Variants in TRABD2B observed in about 807,000 individuals in gnomAD.
The protein encoded by TRABD2B is metalloprotease TIKI2.
Under a neutral mutation model 40.1 loss-of-function variants are expected in TRABD2B, and 14 were observed. The observed-to-expected ratio is 0.35, with a 90% CI of 0.23 to 0.55. The LOEUF (loss-of-function observed/expected upper bound fraction) is 0.55. Among genes scored for constraint, TRABD2B ranks in the 20% least tolerant of loss-of-function variants. The probability of loss-of-function intolerance (pLI) is 0.90; values close to 1 mark genes in which losing one functional copy is unlikely to be tolerated. For missense variants in TRABD2B, 541 were observed against 648.6 expected, an observed-to-expected ratio of 0.83 and a Z score of 1.80; for synonymous variants, 263 against 277.0, an observed-to-expected ratio of 0.95 and a Z score of 0.50.
intron 2 of TRABD2B, among the ~76,000 whole-genome samples, chr1:47,943,252 C>A (rs12125780): frequency 2.0e-5 from 3 of 152,016 alleles, no homozygotes; most frequent in Non-Finnish European, 4.4e-5. Flanking sequence ...ATTTTTGGCA[C>A]GAAATTTCAC....
At chr1:47,917,787 CTT>C (rs1237603492) in intron 2 of TRABD2B, among the ~76,000 whole-genome samples, 1 of 152,134 alleles carries the variant, frequency 6.6e-6, no homozygotes, top group Non-Finnish European at 1.5e-5. Context: ...TCACCTCCCT[CTT>C]GTCTTTTCCT....
intron 2 of TRABD2B, among the ~76,000 whole-genome samples, chr1:47,910,480 C>T (rs1644747676): frequency 6.6e-6 from 1 of 152,120 alleles, no homozygotes; most frequent in South Asian, 2.1e-4. Flanking sequence ...CAACAAAGTT[C>T]TAGGATGGCC....
At chr1:47,948,609 G>A (rs1461876181) in intron 2 of TRABD2B, among the ~76,000 whole-genome samples, 2 of 152,172 alleles carry the variant, frequency 1.3e-5, no homozygotes, top group African/African-American at 4.8e-5. Context: ...ATGAGGGAGA[G>A]GAAATGCAGC....
At chr1:47,848,840 G>A (rs1645507936) in intron 2 of TRABD2B, among the ~76,000 whole-genome samples, 2 of 152,214 alleles carry the variant, frequency 1.3e-5, no homozygotes, top group African/African-American at 4.8e-5. Flanking sequence ...GTGTCCCCAG[G>A]AGAAAAGAAA....
chr1:47,816,440 C>T (rs892635037), intron 2 of TRABD2B, among the ~76,000 whole-genome samples: 1 of 152,214 alleles, frequency 6.6e-6, no homozygotes, highest in Admixed American at 6.5e-5. Flanking sequence ...TGCTCCCTAA[C>T]CTCCTTGCTT....
chr1:47,996,549 G>A lies in TRABD2B; in HGVS notation c.102+139C>T, dbSNP rs1448888829. 2.0e-6 allele frequency: 2 copies of A among 1,016,234 alleles called. No homozygotes were observed. Among genetic ancestry groups the A allele is most frequent in the African/African-American group, 1.7e-5 (1 of 59,054 alleles). 63.0% of individuals were successfully genotyped at this position (1,016,234 alleles called of 1,614,324 possible). On this transcript the variant is annotated intron_variant, in intron 1 of 6. Transcript: ENST00000606738. This position sits in a 1 kb window ranked among gnomAD's most constrained non-coding sequence, Gnocchi z 4.6. ...GCCGGGACAGGCAGGAGCGAAGGAAGGGCGCCCGAGGCTGCGCCCGGGGGG... is the reference window on the plus strand; with the variant it reads ...GCCGGGACAGGCAGGAGCGAAGGAAAGGCGCCCGAGGCTGCGCCCGGGGGG...
Position 47,824,200 on chromosome 1 carries a change from G to A in TRABD2B, c.667-22581C>T, listed in dbSNP as rs112147165. On this transcript the variant is annotated intron_variant, in intron 2 of 6. Transcript: ENST00000606738. ...ACCCAGCACAGAGCCAGGCTCGCTCGTGTCCTCTTTCCTCACTCCTTTTTT... is the reference window on the plus strand; with the variant it reads ...ACCCAGCACAGAGCCAGGCTCGCTCATGTCCTCTTTCCTCACTCCTTTTTT... 5.5e-4 allele frequency among the ~76,000 whole-genome samples: 83 copies of A among 152,242 alleles called. 4 individuals are homozygous for A. The highest frequency in any genetic ancestry group is 2.0e-3 in the African/African-American group (82 of 41,542).
chr1:47,886,061 G>C (rs1005482008), intron 2 of TRABD2B, among the ~76,000 whole-genome samples: 2 of 152,116 alleles, frequency 1.3e-5, no homozygotes, highest in African/African-American at 4.8e-5. Flanking sequence ...GAGAAACTGC[G>C]AAGTTCACTG....
chr1:47,855,093 G>C (rs770455752), intron 2 of TRABD2B, among the ~76,000 whole-genome samples: 4 of 152,156 alleles, frequency 2.6e-5, no homozygotes, highest in Admixed American at 6.5e-5. Flanking sequence ...GTTCATGTGG[G>C]TTTTTGAATA....
intron 2 of TRABD2B, among the ~76,000 whole-genome samples, chr1:47,841,283 A>G (rs1482869133): frequency 4.6e-5 from 7 of 152,124 alleles, no homozygotes; most frequent in Non-Finnish European, 1.0e-4. Context: ...AATTTGCCTT[A>G]CCTGTCTTGT....
chr1:47,856,502 A>C (rs1643891661), intron 2 of TRABD2B, among the ~76,000 whole-genome samples: 1 of 152,208 alleles, frequency 6.6e-6, no homozygotes, highest in Admixed American at 6.5e-5. Flanking sequence ...AACTTTGAAA[A>C]GGCATTTTGA....
chr1:47,909,525 AAGGAGAAGG>A (rs1281337189), intron 2 of TRABD2B, among the ~76,000 whole-genome samples: 11 of 126,420 alleles, frequency 8.7e-5, no homozygotes, highest in East Asian at 2.8e-4. Flanking sequence ...GGGGGAGGAG[AAGGAGAAGG>A]AGGAGAAGGA....
chr1:47,964,053 GT>G (rs941764046), intron 2 of TRABD2B, among the ~76,000 whole-genome samples: 26 of 152,192 alleles, frequency 1.7e-4, no homozygotes, highest in African/African-American at 6.0e-4. Flanking sequence ...CTGGAGTGTT[GT>G]TTTTTTCCCC....
chr1:47,801,343 T>C (rs1242026946), intron 3 of TRABD2B, 130 bp downstream of exon 3: 2 of 1,010,554 alleles, frequency 2.0e-6, no homozygotes, highest in African/African-American at 3.2e-5. Flanking sequence ...GAGCCTCAAT[T>C]TCCCCACCTA....
chr1:47,863,394 A>ATATATATATATATATATATATAT lies in TRABD2B; in HGVS notation c.667-61776_667-61775insATATATATATATATATATATATA, dbSNP rs1396681662. Among the ~76,000 whole-genome samples, 597 of 130,366 alleles carry ATATATATATATATATATATATAT rather than the reference A, an allele frequency of 4.6e-3. 1 individual carries two copies. Among genetic ancestry groups the ATATATATATATATATATATATAT allele is most frequent in the Non-Finnish European group, 5.9e-3 (356 of 60,704 alleles). 85.5% of individuals were successfully genotyped at this position (130,366 alleles called of 152,430 possible). ...ATTTTATATATATATATATATATATAATCTCTTAAAACTCAACAATAAGAA... is the reference window on the plus strand; with the variant it reads ...ATTTTATATATATATATATATATATATATATATATATATATATATATATATCTCTTAAAACTCAACAATAAGAA... On this transcript the variant is annotated intron_variant, in intron 2 of 6. Coordinates refer to ENST00000606738, the MANE Select transcript of TRABD2B (RefSeq NM_001194986.2).
intron 2 of TRABD2B, among the ~76,000 whole-genome samples, chr1:47,988,136 A>G (rs1447841739): frequency 6.6e-6 from 1 of 152,130 alleles, no homozygotes; most frequent in African/African-American, 2.4e-5. Context: ...AGAGGGCTGG[A>G]GGACTCAAGG....
chr1:47,985,866 C>T (rs1051217040), intron 2 of TRABD2B, among the ~76,000 whole-genome samples: 23 of 152,222 alleles, frequency 1.5e-4, no homozygotes, highest in Non-Finnish European at 3.2e-4. Flanking sequence ...CCTCAGGGGC[C>T]TTTACCAATT....
chr1:47,851,495 G>C (rs1645549194), intron 2 of TRABD2B, among the ~76,000 whole-genome samples: 1 of 152,206 alleles, frequency 6.6e-6, no homozygotes, highest in Non-Finnish European at 1.5e-5. Flanking sequence ...GGGAGGGAGA[G>C]AGGGAAAGAG....
intron 2 of TRABD2B, among the ~76,000 whole-genome samples, chr1:47,820,782 C>CCACA (rs56348753): frequency 0.034 from 5,061 of 147,148 alleles, 216 homozygotes; most frequent in Admixed American, 0.14. Flanking sequence ...TTCACACACA[C>CCACA]CACACACACA....
Sources: gnomAD v4.1 joint callset for allele counts (sites outside exome capture counted in the v4.1 genomes callset) on GRCh38, gnomAD v4.1.1 for gene constraint, Gnocchi (gnomAD v3.1) non-coding constraint, MANE v1.5 for transcripts, NCBI Gene and HGNC (gene_info 2026-07-23, HGNC 2026-07-21) for gene names.